The following GRIP1 variants were observed in gnomAD, a reference collection of about 807,000 sequenced individuals.
The protein encoded by GRIP1 is glutamate receptor interacting protein 1, also known as glutamate receptor-interacting protein 1.
Under a neutral mutation model 129.9 loss-of-function variants are expected in GRIP1, and 45 were observed. That is an observed-to-expected ratio of 0.35 (90% CI 0.27 to 0.44). The LOEUF (loss-of-function observed/expected upper bound fraction) is 0.44, where lower values mean the gene tolerates loss of function less well. GRIP1 is among the 20% of genes least tolerant of loss of function. GRIP1 has a pLI of 1.00. For synonymous variants in GRIP1, 530 were observed against 520.8 expected (o/e 1.02, Z -0.24); for missense variants, 1,196 against 1,396.8 (o/e 0.86, Z 2.29).
intron 1 of GRIP1, among the ~76,000 whole-genome samples, chr12:66,884,943 C>T (rs1006352462): frequency 6.6e-6 from 1 of 152,182 alleles, no homozygotes; most frequent in Non-Finnish European, 1.5e-5. Flanking sequence ...CCTTGGACTT[C>T]AAATTAGAAC....
At chr12:66,666,877 C>T (rs1378325963) in intron 1 of GRIP1, among the ~76,000 whole-genome samples, 3 of 151,534 alleles carry the variant, frequency 2.0e-5, no homozygotes, top group Admixed American at 6.6e-5. Context: ...AACATTGAAA[C>T]CTTTTTTTTT....
chr12:66,895,671 G>C (rs2040735545), intron 1 of GRIP1, among the ~76,000 whole-genome samples: 1 of 152,126 alleles, frequency 6.6e-6, no homozygotes, highest in Admixed American at 6.5e-5. Context: ...CCTTATTCAA[G>C]AATTTCTCCC....
At chr12:66,543,818 T>C (rs1351226687) in intron 2 of GRIP1, among the ~76,000 whole-genome samples, 2 of 152,338 alleles carry the variant, frequency 1.3e-5, no homozygotes, top group East Asian at 3.9e-4. Flanking sequence ...TTTAGACATC[T>C]GATTATAGAA....
At chr12:66,956,805 C>A (rs1031527888) in intron 1 of GRIP1, among the ~76,000 whole-genome samples, 1 of 152,128 alleles carries the variant, frequency 6.6e-6, no homozygotes, top group Non-Finnish European at 1.5e-5. Context: ...TGCATCAAGG[C>A]CCCCTCGGCA....
At chr12:67,029,023 A>G (rs2042980704) in intron 1 of GRIP1, among the ~76,000 whole-genome samples, 1 of 152,148 alleles carries the variant, frequency 6.6e-6, no homozygotes, top group Non-Finnish European at 1.5e-5. Context: ...AAAATTTGAT[A>G]GAGATGAAGC....
intron 2 of GRIP1, among the ~76,000 whole-genome samples, chr12:66,554,119 G>A (rs373585821): frequency 3.7e-4 from 56 of 152,276 alleles, no homozygotes; most frequent in African/African-American, 1.3e-3. Flanking sequence ...CCCAAGCCCA[G>A]GCAGCACAGT....
intron 1 of GRIP1, among the ~76,000 whole-genome samples, chr12:66,942,330 G>A (rs114993255): frequency 4.6e-5 from 7 of 151,480 alleles, no homozygotes; most frequent in African/African-American, 1.5e-4. Context: ...CTTATGCTAA[G>A]TAATGTGAGG....
At chr12:66,382,322 C>A (rs145601953) in intron 19 of GRIP1, among the ~76,000 whole-genome samples, 1,704 of 152,118 alleles carry the variant, frequency 0.011, 37 homozygotes, top group African/African-American at 0.04. Flanking sequence ...GAGTTCGAGA[C>A]CAGTCTGAGC....
In GRIP1 at chr12:66,976,401, G is replaced by A. The variant is rs545801059; in HGVS notation, c.58+92649C>T. Among the ~76,000 whole-genome samples, 84 of 152,142 alleles carry A rather than the reference G, an allele frequency of 5.5e-4. No individual in the cohort carries two copies. In the Middle Eastern group the frequency reaches 0.01, roughly 18 times the overall value. The stretch of plus-strand genomic sequence containing the variant: ...GTTAGAAAGCTGGTCTTTATTATTT[G>A]GCTGGCATACAAACAAATGCAAAAT... On this transcript the variant is annotated intron_variant, in intron 1 of 1. Transcript: ENST00000643019.
intron 1 of GRIP1, among the ~76,000 whole-genome samples, chr12:66,960,474 T>C (rs76074590): frequency 6.8e-6 from 1 of 146,330 alleles, no homozygotes; most frequent in South Asian, 2.2e-4. Flanking sequence ...CATTTGGACT[T>C]TTTTTTAGCT....
chr12:66,658,230 GCTA>G (rs1185993634), intron 1 of GRIP1, among the ~76,000 whole-genome samples: 1 of 152,132 alleles, frequency 6.6e-6, no homozygotes, highest in African/African-American at 2.4e-5. Flanking sequence ...CAAGATTTTT[GCTA>G]CTATTAATTA....
intron 1 of GRIP1, among the ~76,000 whole-genome samples, chr12:66,930,996 G>A (rs1337827570): frequency 2.6e-5 from 4 of 152,104 alleles, no homozygotes; most frequent in African/African-American, 9.7e-5. Context: ...TCATCAAAGA[G>A]CAAAATATTT....
intron 1 of GRIP1, among the ~76,000 whole-genome samples, chr12:66,861,539 A>T (rs186401199): frequency 1.6e-4 from 25 of 152,208 alleles, no homozygotes; most frequent in Middle Eastern, 3.4e-3. Flanking sequence ...TTTTATAGAG[A>T]TACGCATATT....
intron 2 of GRIP1, among the ~76,000 whole-genome samples, chr12:66,548,906 T>C (rs571712476): frequency 6.6e-6 from 1 of 152,274 alleles, no homozygotes; most frequent in African/African-American, 2.4e-5. Flanking sequence ...AAATGCTCTA[T>C]AAGATCTTCA....
chr12:66,585,757 A>G (rs1328679190), intron 2 of GRIP1, among the ~76,000 whole-genome samples: 3 of 150,226 alleles, frequency 2.0e-5, no homozygotes, highest in East Asian at 2.0e-4. Context: ...CATCCTCTCC[A>G]GCACCTGTTG....
intron 1 of GRIP1, among the ~76,000 whole-genome samples, chr12:66,818,130 T>C (rs573146344): frequency 1.3e-5 from 2 of 152,348 alleles, no homozygotes; most frequent in East Asian, 3.9e-4. Context: ...AGTTGTTCTT[T>C]CTTACATCTA....
intron 1 of GRIP1, among the ~76,000 whole-genome samples, chr12:66,711,825 TCAAA>T (rs1471231974): frequency 1.3e-5 from 2 of 151,870 alleles, no homozygotes; most frequent in Admixed American, 6.6e-5. Context: ...CTAAGAACAC[TCAAA>T]CAATTACTTG....
intron 16 of GRIP1, among the ~76,000 whole-genome samples, chr12:66,401,752 G>T (rs952203417): frequency 1.3e-5 from 2 of 151,592 alleles, no homozygotes; most frequent in African/African-American, 4.9e-5. Context: ...AAGTTAATTT[G>T]CCTAAATTTC....
intron 16 of GRIP1, among the ~76,000 whole-genome samples, 179 bp downstream of exon 16, chr12:66,406,104 G>A (rs927043651): frequency 6.6e-6 from 1 of 152,042 alleles, no homozygotes; most frequent in Non-Finnish European, 1.5e-5. Context: ...TCATTTACAA[G>A]CACCATTATT....
Sources: allele counts gnomAD v4.1 joint callset (sites outside exome capture counted in the v4.1 genomes callset), GRCh38; gene constraint gnomAD v4.1.1; transcripts MANE v1.5; gene names NCBI Gene and HGNC (gene_info 2026-07-23, HGNC 2026-07-21).